GPHN: variants seen among roughly 807,000 people sequenced by gnomAD.
The protein encoded by GPHN is gephyrin.
GPHN carries 17 observed loss-of-function variants against 95.5 expected under a neutral mutation model. That is an observed-to-expected ratio of 0.18 (90% confidence interval 0.12 to 0.27). The LOEUF is 0.27. GPHN is among the 10% of genes least tolerant of loss of function. The probability of loss-of-function intolerance (pLI) is 1.00; values close to 1 mark genes in which losing one functional copy is unlikely to be tolerated. For synonymous variants in GPHN, 320 were observed against 322.5 expected (o/e 0.99, Z 0.08); for missense variants, 660 against 978.1 (o/e 0.67, Z 4.34).
intron 21 of GPHN, among the ~76,000 whole-genome samples, chr14:67,175,769 A>C (rs1330944148): frequency 6.6e-6 from 1 of 152,184 alleles, no homozygotes; most frequent in Non-Finnish European, 1.5e-5. Context: ...AGTGGTTTAT[A>C]GTTCTCTTTG....
At chr14:66,948,570 T>G (rs1439324230) in intron 8 of GPHN, among the ~76,000 whole-genome samples, 1 of 152,250 alleles carries the variant, frequency 6.6e-6, no homozygotes, top group Non-Finnish European at 1.5e-5. Flanking sequence ...TTGTAGTTTC[T>G]GTCACCAGCA....
At chr14:66,892,610 G>C (rs1374532221) in intron 5 of GPHN, among the ~76,000 whole-genome samples, 1 of 152,154 alleles carries the variant, frequency 6.6e-6, no homozygotes, top group Non-Finnish European at 1.5e-5. Context: ...TCTAACACTT[G>C]CTACAACATA....
At chr14:67,674,425 T>G in the GPHN span, 1 of 1,608,738 alleles carries the variant, frequency 6.2e-7, no homozygotes, top group Non-Finnish European at 8.5e-7. Flanking sequence ...TAGGTCTTCA[T>G]GGAGGCCGCG....
At chr14:67,028,828 G>T (rs1240781317) in intron 10 of GPHN, among the ~76,000 whole-genome samples, 1 of 152,080 alleles carries the variant, frequency 6.6e-6, no homozygotes, top group African/African-American at 2.4e-5. Flanking sequence ...ACTCTACTCT[G>T]TTGATTGTTT....
intron 2 of GPHN, among the ~76,000 whole-genome samples, chr14:66,769,879 G>A (rs1316802091): frequency 6.6e-6 from 1 of 152,082 alleles, no homozygotes; most frequent in East Asian, 1.9e-4. Context: ...TGAGAGTTCT[G>A]TTTCAGCTCT....
the GPHN span, among the ~76,000 whole-genome samples, chr14:67,643,071 G>A: frequency 6.6e-6 from 1 of 152,140 alleles, no homozygotes; most frequent in East Asian, 1.9e-4. Flanking sequence ...CCAAAGTGCT[G>A]GGATTACAGG....
At chr14:67,389,771 T>C in the GPHN span, among the ~76,000 whole-genome samples, 33 of 147,426 alleles carry the variant, frequency 2.2e-4, no homozygotes, top group Admixed American at 1.7e-3. Context: ...AAAGTGTTTT[T>C]TTTCTTTTTT....
intron 4 of GPHN, among the ~76,000 whole-genome samples, chr14:66,868,411 T>C (rs1305074252): frequency 6.6e-6 from 1 of 152,140 alleles, no homozygotes; most frequent in African/African-American, 2.4e-5. Flanking sequence ...CGGGTTTTTT[T>C]AAGACAGAGT....
At chr14:67,288,964 C>CTTTTTTTT in the GPHN span, among the ~76,000 whole-genome samples, 1 of 107,078 alleles carries the variant, frequency 9.3e-6, no homozygotes. Context: ...TCTTTATTTC[C>CTTTTTTTT]TTTTTTTTTT....
chr14:66,611,442 T>C (rs1309053280), intron 1 of GPHN, among the ~76,000 whole-genome samples: 1 of 152,150 alleles, frequency 6.6e-6, no homozygotes, highest in Non-Finnish European at 1.5e-5. Context: ...AATATACTCA[T>C]TGCTATTTGG....
the GPHN span, among the ~76,000 whole-genome samples, chr14:67,644,840 T>C: frequency 6.6e-6 from 1 of 151,778 alleles, no homozygotes. Context: ...TTACTAAAAA[T>C]ACAAAAAATT....
the GPHN span, chr14:67,562,266 A>C: frequency 6.2e-6 from 10 of 1,613,344 alleles, no homozygotes; most frequent in African/African-American, 1.3e-4. Flanking sequence ...CAGGGTCTGA[A>C]GGCAGCTGTG....
chr14:66,810,559 C>G (rs889898540), intron 3 of GPHN, among the ~76,000 whole-genome samples: 2 of 151,898 alleles, frequency 1.3e-5, no homozygotes, highest in Non-Finnish European at 2.9e-5. Flanking sequence ...CACAGAAATT[C>G]TTCTTTTTCT....
chr14:67,499,166 G>T, the GPHN span, among the ~76,000 whole-genome samples: 2 of 151,746 alleles, frequency 1.3e-5, no homozygotes, highest in Non-Finnish European at 2.9e-5. Flanking sequence ...CAACACCCAG[G>T]TAATTTCTTA....
At chr14:67,660,157 G>A in the GPHN span, 1 of 400,302 alleles carries the variant, frequency 2.5e-6, no homozygotes, top group African/African-American at 2.0e-5. Context: ...TGAATGAATG[G>A]AAAAACAGAA....
the GPHN span, among the ~76,000 whole-genome samples, chr14:67,402,060 G>A: frequency 2.0e-5 from 3 of 152,182 alleles, no homozygotes; most frequent in African/African-American, 7.2e-5. Flanking sequence ...AAACTCAGGA[G>A]GCGGAGTTTG....
chr14:67,040,028 A>G (rs2074620064), intron 10 of GPHN, among the ~76,000 whole-genome samples: 1 of 152,184 alleles, frequency 6.6e-6, no homozygotes, highest in Admixed American at 6.6e-5. Context: ...ATAAATAAGT[A>G]TAATTACTGT....
the GPHN span, chr14:67,651,010 T>A: frequency 7.7e-7 from 1 of 1,305,204 alleles, no homozygotes; most frequent in Non-Finnish European, 1.1e-6. Flanking sequence ...GTTGTCTGGG[T>A]CAATACTGCC....
intron 1 of GPHN, among the ~76,000 whole-genome samples, chr14:66,565,496 C>T (rs2060425282): frequency 6.6e-6 from 1 of 152,086 alleles, no homozygotes; most frequent in Admixed American, 6.6e-5. Flanking sequence ...GACAGGGTCT[C>T]GCTTTGTTGC....
Sources: gnomAD v4.1 joint callset for allele counts (sites outside exome capture counted in the v4.1 genomes callset) on GRCh38, gnomAD v4.1.1 for gene constraint, MANE v1.5 for transcripts, NCBI Gene and HGNC (gene_info 2026-07-23, HGNC 2026-07-21) for gene names.